Variants in INPP5F observed in about 807,000 individuals in gnomAD.
The protein encoded by INPP5F is phosphatidylinositide 4-phosphatase SAC2.
In INPP5F, 97 loss-of-function variants were observed where a neutral mutation model predicts 137.2. The observed-to-expected ratio is 0.71, with a 90% CI of 0.60 to 0.84. INPP5F has a LOEUF of 0.84. INPP5F is among the 40% of genes least tolerant of loss of function. The pLI is 0.00. For synonymous variants in INPP5F, 504 were observed against 476.9 expected (o/e 1.06, Z -0.74); for missense variants, 1,271 against 1,371.9 (o/e 0.93, Z 1.16).
intron 14 of INPP5F, among the ~76,000 whole-genome samples, 182 bp from the exon 15 acceptor site, chr10:119,811,575 T>G (rs1851032081): frequency 6.6e-6 from 1 of 152,254 alleles, no homozygotes; most frequent in Non-Finnish European, 1.5e-5. Flanking sequence ...TGTTTTTTCT[T>G]CTTTTATTGC....
At chr10:119,761,316 G>A (rs1260982290) in intron 2 of INPP5F, among the ~76,000 whole-genome samples, 1 of 152,166 alleles carries the variant, frequency 6.6e-6, no homozygotes, top group African/African-American at 2.4e-5. Flanking sequence ...AAGGAACAGA[G>A]CAACCAGTCA....
chr10:119,767,422 C>G (rs1232831524), intron 2 of INPP5F, among the ~76,000 whole-genome samples: 1 of 151,890 alleles, frequency 6.6e-6, no homozygotes, highest in African/African-American at 2.4e-5. Flanking sequence ...AGTGTAACCA[C>G]TAACAGAATA....
intron 2 of INPP5F, among the ~76,000 whole-genome samples, chr10:119,771,382 G>A (rs1447689353): frequency 1.3e-5 from 2 of 150,864 alleles, no homozygotes; most frequent in African/African-American, 2.4e-5. Flanking sequence ...GGTTGTTTCC[G>A]CAGAAGGAGC....
chr10:119,809,976 A>G (rs533520009), intron 13 of INPP5F, 124 bp from the exon 14 acceptor site: 19 of 640,004 alleles, frequency 3.0e-5, no homozygotes, highest in African/African-American at 2.4e-4. Flanking sequence ...TGAAAATTAT[A>G]GAAGTCAGAC....
chr10:119,808,534 A>G (rs1850893391), intron 13 of INPP5F, among the ~76,000 whole-genome samples: 2 of 152,210 alleles, frequency 1.3e-5, no homozygotes, highest in African/African-American at 2.4e-5. Context: ...ACCTATTTCA[A>G]AAGACTGTTA....
intron 2 of INPP5F, among the ~76,000 whole-genome samples, chr10:119,774,390 A>G (rs1488657292): frequency 1.3e-5 from 2 of 152,014 alleles, no homozygotes; most frequent in Middle Eastern, 3.4e-3. Context: ...ATCCAGGCTC[A>G]TGGTGCTTTC....
At chr10:119,783,451 T>A (rs1849773954) in intron 3 of INPP5F, among the ~76,000 whole-genome samples, 1 of 152,168 alleles carries the variant, frequency 6.6e-6, no homozygotes, top group South Asian at 2.1e-4. Context: ...TTTGCATATT[T>A]GGCACTCCCA....
At chr10:119,729,429 G>C (rs1589655203) in intron 1 of INPP5F, among the ~76,000 whole-genome samples, 1 of 152,134 alleles carries the variant, frequency 6.6e-6, no homozygotes. Context: ...TTATAGGCTT[G>C]ACCCACTGCG....
chr10:119,787,147 C>G lies in INPP5F; in HGVS notation c.316-4370C>G, dbSNP rs1277005056. 6.6e-6 allele frequency among the ~76,000 whole-genome samples: 1 copy of G among 151,978 alleles called. No homozygotes were observed. The highest frequency in any genetic ancestry group is 1.5e-5 in the Non-Finnish European group (1 of 68,008). ...TCATATCAGTTCAGGGCATGCTTTG[C>G]CATTAAATGAGTTTTTAACTTAAAA... On this transcript the variant is annotated intron_variant, in intron 3 of 19. Coordinates refer to ENST00000650623, the MANE Select transcript of INPP5F (RefSeq NM_014937.4). This position sits in a 1 kb window ranked among gnomAD's most constrained non-coding sequence, Gnocchi z 4.1.
chr10:119,796,828 C>T lies in INPP5F; in HGVS notation c.783C>T (p.Thr261=). 3 of 1,613,240 alleles carry T rather than the reference C, an allele frequency of 1.9e-6. No individual in the cohort carries two copies. The South Asian group carries it at 3.3e-5, about 18-fold the overall frequency. The change falls in exon 7 of 20, where the codon ACC becomes ACT. Residue 261 remains threonine (T), a synonymous_variant. Coordinates refer to ENST00000650623, the MANE Select transcript of INPP5F (RefSeq NM_014937.4). The stretch of plus-strand genomic sequence containing the variant: ...ATGATGAGAAAAGCAGCCCAGAGAC[C>T]CCCCCTCAGGAGTCCACCTGTGTAG... ...SSDDEKSSPE[T]PPQESTCVDD... is the part of the protein sequence containing the mutation.
chr10:119,781,972 G>T (rs986683276), intron 3 of INPP5F, among the ~76,000 whole-genome samples: 1 of 152,112 alleles, frequency 6.6e-6, no homozygotes, highest in Non-Finnish European at 1.5e-5. Context: ...ACACATAAAG[G>T]CAGGGCTGCT....
chr10:119,750,945 A>G (rs1180492596), intron 1 of INPP5F, 131 bp from the exon 2 acceptor site: 4 of 664,368 alleles, frequency 6.0e-6, no homozygotes, highest in Non-Finnish European at 1.1e-5. Flanking sequence ...GCTTTATGGT[A>G]ATGTATTCCA....
chr10:119,786,454 T>G (rs537144265), intron 3 of INPP5F, among the ~76,000 whole-genome samples: 2 of 152,380 alleles, frequency 1.3e-5, no homozygotes, highest in Admixed American at 1.3e-4. Flanking sequence ...GGACTGAATT[T>G]AACCTTTTCA....
chr10:119,776,081 A>T (rs196203), intron 2 of INPP5F, among the ~76,000 whole-genome samples: 1 of 152,210 alleles, frequency 6.6e-6, no homozygotes, highest in Non-Finnish European at 1.5e-5. Flanking sequence ...GAATTGGAGC[A>T]GCTAAGTATT....
chr10:119,795,859 C>T (rs1050345591), intron 6 of INPP5F, among the ~76,000 whole-genome samples: 3 of 152,196 alleles, frequency 2.0e-5, no homozygotes, highest in African/African-American at 4.8e-5. Flanking sequence ...GCGGATCACT[C>T]GCGGTTAGGA....
At chr10:119,779,951 T>G (rs61867906) in intron 2 of INPP5F, among the ~76,000 whole-genome samples, 5,256 of 152,220 alleles carry the variant, frequency 0.035, 126 homozygotes, top group Non-Finnish European at 0.048. Context: ...ATAGCAAATA[T>G]GTAAACCAGT....
At chr10:119,733,174 C>T (rs902858299) in intron 1 of INPP5F, among the ~76,000 whole-genome samples, 8 of 152,156 alleles carry the variant, frequency 5.3e-5, no homozygotes, top group Non-Finnish European at 1.0e-4. Context: ...AATAGCCTCT[C>T]AAATGTCAAA....
At chr10:119,771,327 A>G (rs556102714) in intron 2 of INPP5F, among the ~76,000 whole-genome samples, 32 of 152,226 alleles carry the variant, frequency 2.1e-4, no homozygotes, top group South Asian at 6.2e-4. Context: ...CCTTGTATAG[A>G]TAGACTATGT....
intron 15 of INPP5F, 73 bp downstream of exon 15, chr10:119,812,028 A>C: frequency 8.4e-7 from 1 of 1,196,308 alleles, no homozygotes; most frequent in East Asian, 2.3e-5. Context: ...TAACACTGGC[A>C]GTTGTCCCTA....
Sources: gnomAD v4.1 joint callset for allele counts (sites outside exome capture counted in the v4.1 genomes callset) on GRCh38, gnomAD v4.1.1 for gene constraint, Gnocchi (gnomAD v3.1) non-coding constraint, MANE v1.5 for transcripts, NCBI Gene and HGNC (gene_info 2026-07-23, HGNC 2026-07-21) for gene names.